The following C10orf90 variants were observed in gnomAD, a reference collection of about 807,000 sequenced individuals.
C10orf90 encodes (E2-independent) E3 ubiquitin-conjugating enzyme FATS.
In C10orf90, 56 loss-of-function variants were observed where a neutral mutation model predicts 62.5. That is an observed-to-expected ratio of 0.90 (90% CI 0.72 to 1.12). The LOEUF (loss-of-function observed/expected upper bound fraction) is 1.12. Among genes scored for constraint, C10orf90 ranks in the 50% most tolerant of loss-of-function variants. C10orf90 has a pLI of 0.00. For missense variants in C10orf90, 970 were observed against 880.4 expected, an observed-to-expected ratio of 1.10 and a Z score of -1.29; for synonymous variants, 386 against 340.4, an observed-to-expected ratio of 1.13 and a Z score of -1.47.
At chr10:126,496,762 C>T (rs998662747) in intron 4 of C10orf90, 1 of 956,534 alleles carries the variant, frequency 1.0e-6, no homozygotes, top group Non-Finnish European at 1.2e-6. Flanking sequence ...ACATCAAGCA[C>T]TTAAGGGATC....
At chr10:126,450,372 C>T (rs190301537) in intron 7 of C10orf90, among the ~76,000 whole-genome samples, 166 of 152,226 alleles carry the variant, frequency 1.1e-3, no homozygotes, top group African/African-American at 3.5e-3. Context: ...AATCTGCAGA[C>T]GACTCCAAAT....
intron 2 of C10orf90, among the ~76,000 whole-genome samples, chr10:126,615,710 A>T (rs1217983023): frequency 6.6e-6 from 1 of 152,134 alleles, no homozygotes; most frequent in African/African-American, 2.4e-5. Context: ...TGCCATCTCT[A>T]CCTGACTAGG....
At chr10:126,649,218 A>G (rs1272278882) in intron 1 of C10orf90, among the ~76,000 whole-genome samples, 3 of 152,276 alleles carry the variant, frequency 2.0e-5, no homozygotes, top group Admixed American at 2.0e-4. Context: ...GGGGTGATTC[A>G]GGAACTTCTT....
At chr10:126,639,220 G>A (rs957077278) in intron 2 of C10orf90, among the ~76,000 whole-genome samples, 1 of 152,138 alleles carries the variant, frequency 6.6e-6, no homozygotes, top group Non-Finnish European at 1.5e-5. Flanking sequence ...TGATTCAGAT[G>A]CACCCCTCCA....
rs140237172 is a variant in C10orf90, at chr10:126,584,059, G to T, written c.313+62506C>A. ...CACCTGAGCCCAGGAAATCAGGGCTGCAGTGAGCTGTGATGGTGCCACTGC... is the reference window on the plus strand; with the variant it reads ...CACCTGAGCCCAGGAAATCAGGGCTTCAGTGAGCTGTGATGGTGCCACTGC... On this transcript the variant is annotated intron_variant, in intron 2 of 9. Transcript: ENST00000488181. Among the ~76,000 whole-genome samples the T allele has an allele frequency of 2.2e-3, 338 of 152,268 alleles. 2 individuals are homozygous for T. Among genetic ancestry groups the T allele is most frequent in the African/African-American group, 7.7e-3 (319 of 41,534 alleles).
intron 3 of C10orf90, among the ~76,000 whole-genome samples, chr10:126,506,026 T>C (rs1862710802): frequency 6.6e-6 from 1 of 152,154 alleles, no homozygotes. Context: ...ACCAACACTA[T>C]GGCAATCAGA....
chr10:126,528,570 G>A (rs1199529445), intron 2 of C10orf90, among the ~76,000 whole-genome samples: 1 of 152,198 alleles, frequency 6.6e-6, no homozygotes, highest in African/African-American at 2.4e-5. Flanking sequence ...TCTATTTAGA[G>A]GTCAGCAATT....
intron 7 of C10orf90, among the ~76,000 whole-genome samples, chr10:126,452,811 T>G (rs968005528): frequency 5.9e-5 from 9 of 152,250 alleles, no homozygotes; most frequent in African/African-American, 2.2e-4. Context: ...CTGTTTTCTT[T>G]GTAGACTGAT....
rs138324212 is a variant in C10orf90 at position 126,559,942 on chromosome 10, G to A, written c.314-46003C>T. On this transcript the variant is annotated intron_variant, in intron 2 of 9. Transcript: ENST00000488181. Reference sequence around the variant, plus strand: ...GAAAATGCAGCATGACATTATAAATGATAAATAATGTGAAATTAGACACCG... The same window carrying A: ...GAAAATGCAGCATGACATTATAAATAATAAATAATGTGAAATTAGACACCG... Among the ~76,000 whole-genome samples the A allele has an allele frequency of 9.5e-3, 1,448 of 152,250 alleles. 23 individuals carry two copies. The highest frequency in any genetic ancestry group is 0.033 in the African/African-American group (1,378 of 41,538).
chr10:126,604,155 T>C (rs1845258692), intron 2 of C10orf90, among the ~76,000 whole-genome samples: 1 of 152,166 alleles, frequency 6.6e-6, no homozygotes, highest in African/African-American at 2.4e-5. Flanking sequence ...CTGGGCTCCA[T>C]CCAGAAACAC....
At chr10:126,435,241 C>G (rs149163255) in intron 7 of C10orf90, among the ~76,000 whole-genome samples, 4 of 152,192 alleles carry the variant, frequency 2.6e-5, no homozygotes, top group African/African-American at 7.2e-5. Flanking sequence ...ACAATAAGCT[C>G]TCAGACCTTT....
intron 7 of C10orf90, 151 bp from the exon 8 acceptor site, chr10:126,430,001 C>G (rs1190641983): frequency 1.8e-5 from 12 of 678,216 alleles, no homozygotes; most frequent in Admixed American, 5.5e-5. Context: ...ACTGATACAC[C>G]ATAAGTGGTT....
Position 126,670,377 on chromosome 10 carries a change from G to A in C10orf90, c.104C>T (p.Thr35Ile), listed in dbSNP as rs1349667947. The A allele has an allele frequency of 4.4e-6, 2 of 456,536 alleles. No homozygotes were observed. The highest frequency in any genetic ancestry group is 2.0e-5 in the African/African-American group (1 of 50,038). 28.3% of individuals were successfully genotyped at this position (456,536 alleles called of 1,614,324 possible). Residue 35 changes from threonine to isoleucine, a missense_variant, in exon 1 of 10, where the codon ACA becomes ATA. Thr to Ile is a moderately conservative substitution (Grantham distance 89, BLOSUM62 -1). Coordinates refer to ENST00000488181, the MANE Select transcript of C10orf90 (RefSeq NM_001350921.2). ...GACCATCACATGGTTTTTCAACTCTGTACTAAATGTTTTTATCTGGAAAGT... is the reference window on the plus strand; with the variant it reads ...GACCATCACATGGTTTTTCAACTCTATACTAAATGTTTTTATCTGGAAAGT... ...HRTFQIKTFS[T>I]ELKNHVMVMD...
At chr10:126,476,351 G>A (rs973522081) in intron 4 of C10orf90, among the ~76,000 whole-genome samples, 27 of 152,136 alleles carry the variant, frequency 1.8e-4, no homozygotes, top group Admixed American at 4.6e-4. Context: ...AGAATACTGC[G>A]CCCTTTGAAG....
At chr10:126,643,095 A>G (rs535836087) in intron 2 of C10orf90, among the ~76,000 whole-genome samples, 1 of 152,374 alleles carries the variant, frequency 6.6e-6, no homozygotes, top group African/African-American at 2.4e-5. Flanking sequence ...CACTTGGATC[A>G]GATAGTGTAT....
intron 2 of C10orf90, among the ~76,000 whole-genome samples, chr10:126,552,714 C>T (rs1333602663): frequency 1.3e-5 from 2 of 152,354 alleles, no homozygotes; most frequent in South Asian, 4.2e-4. Context: ...GTACCTGCCG[C>T]GCATATGCGC....
chr10:126,487,142 C>CAAAAAA (rs1158481155), intron 4 of C10orf90, among the ~76,000 whole-genome samples: 60 of 29,420 alleles, frequency 2.0e-3, no homozygotes, highest in Non-Finnish European at 2.2e-3. Context: ...AAAACTCTGT[C>CAAAAAA]AAAAAAAAAA....
chr10:126,532,630 A>G (rs187034683), intron 2 of C10orf90, among the ~76,000 whole-genome samples: 1,759 of 151,454 alleles, frequency 0.012, 42 homozygotes, highest in African/African-American at 0.039. Flanking sequence ...GAGGTCAGGA[A>G]ATCGAGACCA....
chr10:126,435,091 C>G (rs1414374353), intron 7 of C10orf90, among the ~76,000 whole-genome samples: 1 of 152,158 alleles, frequency 6.6e-6, no homozygotes, highest in Non-Finnish European at 1.5e-5. Context: ...GCTGAATGAC[C>G]GTTGCACATA....
Sources: gnomAD v4.1 joint callset for allele counts (sites outside exome capture counted in the v4.1 genomes callset) on GRCh38, gnomAD v4.1.1 for gene constraint, MANE v1.5 for transcripts, NCBI Gene and HGNC (gene_info 2026-07-23, HGNC 2026-07-21) for gene names.